CALN1: variants seen among roughly 807,000 people sequenced by gnomAD.
The protein encoded by CALN1 is calneuron 1, also known as calcium-binding protein 8.
A neutral mutation model predicts 30.6 loss-of-function variants in CALN1; 17 were observed. The observed-to-expected ratio is 0.56, with a 90% CI of 0.38 to 0.83. The LOEUF is 0.83. Among genes scored for constraint, CALN1 ranks in the 40% least tolerant of loss-of-function variants. The probability of loss-of-function intolerance (pLI) is 0.00; values close to 1 mark genes in which losing one functional copy is unlikely to be tolerated. For missense variants in CALN1, 291 were observed against 354.9 expected (o/e 0.82, Z 1.45); for synonymous variants, 156 against 131.4 (o/e 1.19, Z -1.28).
intron 5 of CALN1, 36 bp downstream of exon 5, chr7:72,023,621 G>T: frequency 6.6e-7 from 1 of 1,519,324 alleles, no homozygotes; most frequent in Non-Finnish European, 9.1e-7. Context: ...CACATTTACT[G>T]TCAAACTTAG....
intron 3 of CALN1, among the ~76,000 whole-genome samples, chr7:72,113,571 G>C (rs1455093632): frequency 1.3e-5 from 2 of 152,206 alleles, no homozygotes; most frequent in Non-Finnish European, 2.9e-5. Context: ...CGCAGGCCAG[G>C]GGTTGGCAAA....
In CALN1 at chr7:72,146,991, G is replaced by A. The variant is rs574822365; in HGVS notation, c.245-40697C>T. Among the ~76,000 whole-genome samples the A allele has an allele frequency of 6.6e-4, 100 of 152,280 alleles. 1 individual carries two copies. The highest frequency in any genetic ancestry group is 2.3e-3 in the African/African-American group (97 of 41,552). On this transcript the variant is annotated intron_variant, in intron 3 of 6. Transcript: ENST00000395275. ...TTGAAGATGGATTAAAGACTTACAT[G>A]TTAGACCTAAAACCATAAAAACCCT...
intron 2 of CALN1, among the ~76,000 whole-genome samples, chr7:72,315,302 G>A (rs1458311838): frequency 6.6e-6 from 1 of 151,442 alleles, no homozygotes; most frequent in Non-Finnish European, 1.5e-5. Context: ...TTAAAAAACC[G>A]TGACCAATGA....
chr7:71,969,627 A>G (rs1797697749), intron 5 of CALN1, among the ~76,000 whole-genome samples: 1 of 152,334 alleles, frequency 6.6e-6, no homozygotes, highest in South Asian at 2.1e-4. Flanking sequence ...ATCTGAACAT[A>G]GCATTATCAG....
chr7:71,998,992 C>T (rs1243453285), intron 5 of CALN1, among the ~76,000 whole-genome samples: 2 of 152,082 alleles, frequency 1.3e-5, no homozygotes, highest in Non-Finnish European at 2.9e-5. Flanking sequence ...GGTAGACTTA[C>T]ATAGATAATT....
At chr7:72,245,157 C>T (rs936689988) in intron 3 of CALN1, among the ~76,000 whole-genome samples, 1 of 152,116 alleles carries the variant, frequency 6.6e-6, no homozygotes, top group African/African-American at 2.4e-5. Flanking sequence ...TAGGGTTTTC[C>T]CTCCTCCCTC....
At chr7:72,328,960 G>A (rs1305397773) in intron 2 of CALN1, among the ~76,000 whole-genome samples, 2 of 152,256 alleles carry the variant, frequency 1.3e-5, no homozygotes, top group Non-Finnish European at 2.9e-5. Context: ...GCCTCCCAAA[G>A]TGCTGGGATT....
intron 2 of CALN1, among the ~76,000 whole-genome samples, chr7:72,344,739 T>A (rs1802545201): frequency 6.8e-6 from 1 of 147,402 alleles, no homozygotes; most frequent in Non-Finnish European, 1.5e-5. Flanking sequence ...TTTTTATAAA[T>A]GGAATATAAA....
upstream of CALN1, among the ~76,000 whole-genome samples, chr7:72,414,731 C>T (rs1248178250): frequency 2.6e-5 from 4 of 152,214 alleles, no homozygotes; most frequent in East Asian, 7.7e-4. Flanking sequence ...CAAGTTCATC[C>T]ATTTCATGGC....
At chr7:72,198,448 T>A (rs1791188992) in intron 3 of CALN1, among the ~76,000 whole-genome samples, 1 of 152,212 alleles carries the variant, frequency 6.6e-6, no homozygotes, top group Non-Finnish European at 1.5e-5. Context: ...GGCTTCTTCC[T>A]AAAATCATGT....
chr7:71,978,576 C>T (rs1226678527), intron 5 of CALN1, among the ~76,000 whole-genome samples: 1 of 152,084 alleles, frequency 6.6e-6, no homozygotes, highest in Non-Finnish European at 1.5e-5. Flanking sequence ...CGGTGCTGGC[C>T]GAAGAACAGT....
intron 2 of CALN1, among the ~76,000 whole-genome samples, chr7:72,332,864 G>A (rs978182035): frequency 6.6e-6 from 1 of 152,046 alleles, no homozygotes; most frequent in Non-Finnish European, 1.5e-5. Flanking sequence ...GGCTTTCAGA[G>A]CCAGCTTCCT....
intron 5 of CALN1, among the ~76,000 whole-genome samples, chr7:71,840,050 C>T (rs1216714228): frequency 6.6e-6 from 1 of 152,198 alleles, no homozygotes; most frequent in Non-Finnish European, 1.5e-5. Context: ...ACAGATTCAA[C>T]CAACCCTGAA....
At chr7:72,493,173 G>A in the CALN1 span, among the ~76,000 whole-genome samples, 1 of 151,854 alleles carries the variant, frequency 6.6e-6, no homozygotes. Context: ...ACCTCCCCGG[G>A]TCTCCCACCA....
At chr7:72,296,120 T>A (rs1268832638) in intron 2 of CALN1, among the ~76,000 whole-genome samples, 1 of 152,032 alleles carries the variant, frequency 6.6e-6, no homozygotes, top group African/African-American at 2.4e-5. Context: ...ATTGAGATAA[T>A]CATGTGGTTT....
chr7:72,129,849 G>C (rs905167922), intron 3 of CALN1, among the ~76,000 whole-genome samples: 7 of 152,148 alleles, frequency 4.6e-5, no homozygotes, highest in African/African-American at 7.2e-5. Context: ...GCTATGGTTT[G>C]AATATGGTTC....
At chr7:72,121,809 T>C (rs1473772818) in intron 3 of CALN1, among the ~76,000 whole-genome samples, 1 of 134,582 alleles carries the variant, frequency 7.4e-6, no homozygotes, top group Admixed American at 7.7e-5. Flanking sequence ...TTTTGATTAT[T>C]GTAAACATGG....
At chr7:71,861,530 C>G (rs377398436) in intron 5 of CALN1, among the ~76,000 whole-genome samples, 1 of 151,868 alleles carries the variant, frequency 6.6e-6, no homozygotes, top group African/African-American at 2.4e-5. Context: ...AATCCCAACA[C>G]GTTGGGTGGC....
At chr7:72,201,528 C>A (rs1791415272) in intron 3 of CALN1, among the ~76,000 whole-genome samples, 1 of 151,468 alleles carries the variant, frequency 6.6e-6, no homozygotes, top group Admixed American at 6.6e-5. Context: ...TAGGCAAAGG[C>A]TGCAGTGAGC....
Sources: allele counts gnomAD v4.1 joint callset (sites outside exome capture counted in the v4.1 genomes callset), GRCh38; gene constraint gnomAD v4.1.1; transcripts MANE v1.5; gene names NCBI Gene and HGNC (gene_info 2026-07-23, HGNC 2026-07-21).